Variants in DIP2C observed in about 807,000 individuals in gnomAD.
DIP2C encodes the protein DIP2 acetate--CoA ligase C (putative), also known as disco-interacting protein 2 homolog C.
DIP2C carries 33 observed loss-of-function variants against 192.4 expected under a neutral mutation model. That is an observed-to-expected ratio of 0.17 (90% CI 0.13 to 0.23). The LOEUF is 0.23. DIP2C is among the 10% of genes least tolerant of loss of function. DIP2C has a pLI of 1.00. For synonymous variants in DIP2C, 979 were observed against 864.1 expected (o/e 1.13, Z -2.33); for missense variants, 1,537 against 2,110.1 (o/e 0.73, Z 5.32).
intron 2 of DIP2C, among the ~76,000 whole-genome samples, chr10:483,219 T>C (rs1319364655): frequency 6.6e-6 from 1 of 152,104 alleles, no homozygotes; most frequent in Non-Finnish European, 1.5e-5. Flanking sequence ...GGAATGTAAA[T>C]GTTAGGAAAA....
chr10:400,812 T>G (rs1193813636), intron 9 of DIP2C, among the ~76,000 whole-genome samples: 1 of 151,802 alleles, frequency 6.6e-6, no homozygotes, highest in Non-Finnish European at 1.5e-5. Flanking sequence ...CTCTTCCTTA[T>G]GAACAAGTTT....
chr10:329,397 C>A, intron 30 of DIP2C, 36 bp downstream of exon 30: 1 of 1,586,178 alleles, frequency 6.3e-7, no homozygotes, highest in Non-Finnish European at 8.6e-7. Flanking sequence ...TCCCTGTGGG[C>A]TCACAGGGCA....
At chr10:654,343 G>A (rs947764340) in intron 1 of DIP2C, among the ~76,000 whole-genome samples, 11 of 152,222 alleles carry the variant, frequency 7.2e-5, no homozygotes, top group Non-Finnish European at 1.5e-5. Context: ...CTGGACAGGT[G>A]AAGTCATTTA....
rs772562583 is a variant in DIP2C at position 689,519 on chromosome 10, G to T, written c.60C>A (p.Ala20=). ...ALPLEVRARL[A]ELELELSEGD... ...CTTCCGACAGCTCCAGCTCCAGCTC[G>T]GCCAGGCGCGCCCGCACCTCCAGGG... Residue 20 remains alanine (A), a synonymous_variant, in exon 1 of 37, where the codon GCC becomes GCA. Coordinates refer to ENST00000280886, the MANE Select transcript of DIP2C (RefSeq NM_014974.3). The surrounding 1 kb of genome is among the most constrained non-coding windows in gnomAD (Gnocchi z 6.1). 2.3e-6 allele frequency: 3 copies of T among 1,292,284 alleles called. No homozygotes were observed. The Admixed American group carries it at 7.6e-5, about 33-fold the overall frequency. 80.1% of individuals were successfully genotyped at this position (1,292,284 alleles called of 1,614,324 possible).
At chr10:281,070 A>T in intron 36 of DIP2C, 130 bp downstream of exon 36, 1 of 1,282,562 alleles carries the variant, frequency 7.8e-7, no homozygotes, top group Non-Finnish European at 1.1e-6. Flanking sequence ...AAAGATTTAT[A>T]GTCAAATGTT....
chr10:471,054 G>A (rs1451177093), intron 3 of DIP2C, among the ~76,000 whole-genome samples: 1 of 152,160 alleles, frequency 6.6e-6, no homozygotes. Context: ...ACATGAGTAA[G>A]AGAAGGTCTC....
Position 651,300 on chromosome 10 carries a change from G to A in DIP2C, c.85+38194C>T, listed in dbSNP as rs747054036. The A allele has an allele frequency of 1.7e-5, 12 of 709,510 alleles. No individual in the cohort carries two copies. The highest frequency in any genetic ancestry group is 8.7e-5 in the African/African-American group (5 of 57,224). The allele number at this position is 709,510 out of a possible 1,614,324, so 44.0% of individuals were successfully genotyped here. A position where few individuals can be genotyped will look rare whatever the true frequency, so the allele number is the denominator to read the frequency against. On this transcript the variant is annotated intron_variant, in intron 1 of 36. Transcript: ENST00000280886. The surrounding 1 kb of genome is among the most constrained non-coding windows in gnomAD (Gnocchi z 4.1). ...CACCAACGTGGACTCCTTACAAGCA[G>A]AGCCACCAACGTGGACACGATCCCA...
chr10:650,438 C>G, intron 1 of DIP2C: 1 of 710,976 alleles, frequency 1.4e-6, no homozygotes, highest in Non-Finnish European at 2.6e-6. Context: ...ACATCTTCAT[C>G]TATGGTAGGT....
In DIP2C at chr10:399,151, G is replaced by A. The variant is rs775368848; in HGVS notation, c.1218C>T (p.Ala406=). ...FMAAFYGCLL[A]EVVPVPIEVP... ...CCTCGATGGGCACGGGGACCACCTC[G>A]GCCAGCAGGCAGCCGTAGAAAGCCG... is the stretch of plus-strand genomic sequence containing the variant. Residue 406 remains alanine (A), a synonymous_variant, in exon 10 of 37, where the codon GCC becomes GCT. Coordinates refer to ENST00000280886, the MANE Select transcript of DIP2C (RefSeq NM_014974.3). 24 of 1,613,958 alleles carry A rather than the reference G, an allele frequency of 1.5e-5. No homozygotes were observed. Among genetic ancestry groups the A allele is most frequent in the Middle Eastern group, 3.3e-4 (2 of 6,062 alleles).
At chr10:593,071 G>C (rs1447299459) in intron 1 of DIP2C, among the ~76,000 whole-genome samples, 2 of 152,146 alleles carry the variant, frequency 1.3e-5, no homozygotes, top group Non-Finnish European at 2.9e-5. Context: ...AATTATGCCA[G>C]TAGTGGCCGG....
chr10:657,934 C>T (rs1454482764), intron 1 of DIP2C, among the ~76,000 whole-genome samples: 4 of 143,050 alleles, frequency 2.8e-5, no homozygotes, highest in Non-Finnish European at 4.6e-5. Context: ...CCTGGACCTG[C>T]CCCTGGACCT....
At chr10:354,749 G>C (rs1471365233) in intron 24 of DIP2C, among the ~76,000 whole-genome samples, 8 of 152,056 alleles carry the variant, frequency 5.3e-5, no homozygotes, top group Non-Finnish European at 7.4e-5. Flanking sequence ...TTCAGCAGAA[G>C]GGATCTGGGG....
chr10:422,794 G>A, intron 5 of DIP2C, 30 bp downstream of exon 5: 1 of 1,595,674 alleles, frequency 6.3e-7, no homozygotes, highest in South Asian at 1.1e-5. Context: ...TACACAACAG[G>A]CACAGAAAGA....
chr10:600,865 AG>A (rs1423033475), intron 1 of DIP2C, among the ~76,000 whole-genome samples: 1 of 151,470 alleles, frequency 6.6e-6, no homozygotes, highest in Non-Finnish European at 1.5e-5. Context: ...ATCTGGTCAA[AG>A]CTTTTTCTGT....
At chr10:394,500 A>G (rs961662357) in intron 10 of DIP2C, among the ~76,000 whole-genome samples, 1 of 151,348 alleles carries the variant, frequency 6.6e-6, no homozygotes, top group African/African-American at 2.4e-5. Flanking sequence ...ATTATGCCAC[A>G]CAGTGGGCGC....
rs142926918 is a variant in DIP2C at position 577,324 on chromosome 10, A to T, written c.86-90794T>A. On this transcript the variant is annotated intron_variant, in intron 1 of 36. Transcript: ENST00000280886. ...ATTAGCAAAAATTTAGAGGAAGAAG[A>T]AGTATCGGTACTGTAACTAGAAATA... is the stretch of plus-strand genomic sequence containing the variant. 3.9e-3 allele frequency among the ~76,000 whole-genome samples: 589 copies of T among 152,320 alleles called. 6 individuals are homozygous for T. Among genetic ancestry groups the T allele is most frequent in the Admixed American group, 0.01 (154 of 15,300 alleles).
In DIP2C at chr10:344,895, C is replaced by A; in HGVS notation, c.3367G>T (p.Ala1123Ser). The A allele has an allele frequency of 6.2e-7, 1 of 1,607,332 alleles. No homozygotes were observed. Among genetic ancestry groups the A allele is most frequent in the Non-Finnish European group, 8.5e-7 (1 of 1,177,810 alleles). ...GGGTTGCAAGGTTTGCAGATCTGGG[C>A]AGGCCGCTTCTTTGGCAAATCATCT... ...DTDDLPKKRP[A>S]QICKPCNPDT... Residue 1123 changes from alanine to serine, a missense_variant, in exon 28 of 37, where the codon GCC (alanine) becomes TCC (serine). Ala to Ser is a moderately conservative substitution (Grantham distance 99, BLOSUM62 1). Coordinates refer to ENST00000280886, the MANE Select transcript of DIP2C (RefSeq NM_014974.3).
At chr10:618,051 A>G (rs1295384094) in intron 1 of DIP2C, among the ~76,000 whole-genome samples, 1 of 152,228 alleles carries the variant, frequency 6.6e-6, no homozygotes, top group East Asian at 1.9e-4. Context: ...TTGTGTGTTT[A>G]AAATTCCAAA....
At position 689,570 on chromosome 10, in the gene DIP2C, G is replaced by A. The variant is rs372847542; in HGVS notation, c.9C>T (p.Asp3=). The stretch of plus-strand genomic sequence containing the variant: ...GCAGCGCCATGCCCTCCAGGCTGCG[G>A]TCCGCCATGCTCCGCGGGCGCCGCG... MA[D]RSLEGMALPL... The change falls in exon 1 of 37, where the codon GAC becomes GAT. Residue 3 remains aspartate (D), a synonymous_variant. Transcript: ENST00000280886. The surrounding 1 kb of genome is among the most constrained non-coding windows in gnomAD (Gnocchi z 6.1). 9.4e-4 allele frequency: 1,155 copies of A among 1,228,248 alleles called. 4 individuals are homozygous for A. The highest frequency in any genetic ancestry group is 1.9e-3 in the Middle Eastern group (7 of 3,698). The allele number at this position is 1,228,248 out of a possible 1,614,324, so 76.1% of individuals were successfully genotyped here.
Sources: gnomAD v4.1 joint callset for allele counts (sites outside exome capture counted in the v4.1 genomes callset) on GRCh38, gnomAD v4.1.1 for gene constraint, Gnocchi (gnomAD v3.1) non-coding constraint, MANE v1.5 for transcripts, NCBI Gene and HGNC (gene_info 2026-07-23, HGNC 2026-07-21) for gene names.